Variants in ADAMTS17 observed in about 807,000 individuals in gnomAD.
The protein encoded by ADAMTS17 is ADAM metallopeptidase with thrombospondin type 1 motif 17, also known as A disintegrin and metalloproteinase with thrombospondin motifs 17.
ADAMTS17 carries 113 observed loss-of-function variants against 141.5 expected under a neutral mutation model. The ratio of observed to expected loss-of-function variants is 0.80; its 90% CI spans 0.69 to 0.93. The LOEUF (loss-of-function observed/expected upper bound fraction) is 0.93. Ranked by LOEUF, ADAMTS17 falls within the 40% of genes least tolerant of loss-of-function variation. The pLI, the probability that ADAMTS17 is intolerant of heterozygous loss-of-function variation, is 0.00. For synonymous variants in ADAMTS17, 768 were observed against 630.6 expected (o/e 1.22, Z -3.27); for missense variants, 1,659 against 1,517.9 (o/e 1.09, Z -1.54).
At chr15:99,992,549 C>T (rs1285762831) in intron 20 of ADAMTS17, among the ~76,000 whole-genome samples, 7 of 152,212 alleles carry the variant, frequency 4.6e-5, no homozygotes, top group Admixed American at 4.6e-4. Context: ...CCTTTATTCA[C>T]CCTTGCTCTC....
intron 7 of ADAMTS17, among the ~76,000 whole-genome samples, chr15:100,229,256 C>G (rs1349915021): frequency 6.6e-6 from 1 of 152,140 alleles, no homozygotes; most frequent in Non-Finnish European, 1.5e-5. Context: ...CTATGAATCA[C>G]TCTCCCTCCT....
chr15:100,141,312 G>C (rs2038639207), intron 10 of ADAMTS17, among the ~76,000 whole-genome samples: 1 of 152,096 alleles, frequency 6.6e-6, no homozygotes, highest in Non-Finnish European at 1.5e-5. Context: ...TTCAACTGGT[G>C]GTGTCCCTGT....
intron 15 of ADAMTS17, among the ~76,000 whole-genome samples, chr15:100,061,235 T>C (rs1454246303): frequency 6.6e-6 from 1 of 152,202 alleles, no homozygotes; most frequent in East Asian, 1.9e-4. Flanking sequence ...AGAGTAATTC[T>C]GAGAGGCTCC....
At chr15:99,977,380 ATATATATATATATATATATAATTTTTT>A (rs2060373401) in intron 20 of ADAMTS17, among the ~76,000 whole-genome samples, 4 of 24,870 alleles carry the variant, frequency 1.6e-4, no homozygotes, top group Non-Finnish European at 2.6e-4. Flanking sequence ...ATATATATAT[ATATATATATATATATATATAATTTTTT>A]TTTTTTTTTT....
Position 100,099,008 on chromosome 15 carries a change from C to CCA in ADAMTS17, c.2017-2533_2017-2532insTG, listed in dbSNP as rs1208781858. ...CTTGGTAGGAGTGAGTCTCTGGCTT[C>CCA]AGGCCTGGTTCCTTGTCCTGCACCT... On this transcript the variant is annotated intron_variant, in intron 14 of 21. Transcript: ENST00000268070. Among the ~76,000 whole-genome samples, 325 of 152,348 alleles carry CCA rather than the reference C, an allele frequency of 2.1e-3. 2 individuals carry two copies. Among genetic ancestry groups the CCA allele is most frequent in the African/African-American group, 7.3e-3 (305 of 41,580 alleles).
chr15:100,059,000 T>C (rs565714859), intron 15 of ADAMTS17, among the ~76,000 whole-genome samples: 1 of 152,236 alleles, frequency 6.6e-6, no homozygotes, highest in Admixed American at 6.5e-5. Flanking sequence ...TCCCAAAGTG[T>C]AAATACCCTC....
At chr15:100,329,759 TC>T (rs1462399117) in intron 3 of ADAMTS17, among the ~76,000 whole-genome samples, 1 of 152,138 alleles carries the variant, frequency 6.6e-6, no homozygotes, top group Non-Finnish European at 1.5e-5. Context: ...CCTCTAATAC[TC>T]ACCTTGCCCA....
At chr15:100,328,534 G>C (rs12593750) in intron 3 of ADAMTS17, among the ~76,000 whole-genome samples, 27,136 of 152,164 alleles carry the variant, frequency 0.18, 2,731 homozygotes, top group Admixed American at 0.3. Flanking sequence ...CAGGGAAGGA[G>C]AGATTGTATT....
chr15:100,044,313 G>T (rs1266361838), intron 18 of ADAMTS17, among the ~76,000 whole-genome samples: 1 of 152,102 alleles, frequency 6.6e-6, no homozygotes, highest in Non-Finnish European at 1.5e-5. Flanking sequence ...TAGAATGCTT[G>T]ATACTATCCC....
rs74863206 is a variant in ADAMTS17 at position 100,224,535 on chromosome 15, G to T, written c.1076-25112C>A. ...ACAAAAAAACCTCAAAAGGGATTTG[G>T]TTTGAGAGTGAAAACGCTTGCCATT... is the stretch of plus-strand genomic sequence containing the variant. On this transcript the variant is annotated intron_variant, in intron 7 of 21. Coordinates refer to ENST00000268070, the MANE Select transcript of ADAMTS17 (RefSeq NM_139057.4). Among the ~76,000 whole-genome samples the T allele has an allele frequency of 4.6e-3, 696 of 152,328 alleles. 8 individuals are homozygous for T. The highest frequency in any genetic ancestry group is 0.01 in the Middle Eastern group (3 of 294).
intron 12 of ADAMTS17, among the ~76,000 whole-genome samples, chr15:100,117,778 G>A (rs539664668): frequency 9.2e-5 from 14 of 152,276 alleles, no homozygotes; most frequent in East Asian, 3.9e-4. Flanking sequence ...GGTTCCATTC[G>A]TTTCCATGAT....
intron 7 of ADAMTS17, among the ~76,000 whole-genome samples, chr15:100,216,248 C>A (rs992356290): frequency 1.3e-5 from 2 of 152,192 alleles, no homozygotes; most frequent in South Asian, 4.1e-4. Context: ...TTATCTAACA[C>A]TGCAATTAGT....
chr15:100,077,461 C>CAAAAAAAAAAAA (rs61464362), intron 15 of ADAMTS17, among the ~76,000 whole-genome samples: 3 of 139,390 alleles, frequency 2.2e-5, no homozygotes, highest in African/African-American at 8.2e-5. Context: ...GACTCCCTCT[C>CAAAAAAAAAAAA]AAAAAAAAAA....
rs529631705 is a variant in ADAMTS17 at position 100,165,493 on chromosome 15, C to G, written c.1182-10173G>C. Among the ~76,000 whole-genome samples, 5 of 152,322 alleles carry G rather than the reference C, an allele frequency of 3.3e-5. No individual in the cohort carries two copies. In the East Asian group the frequency reaches 7.7e-4, roughly 24 times the overall value. ...AAATGAGTGGCACCTGCTTGGGAGG[C>G]TCCCATTCTCCTTCCCACAATGTCC... On this transcript the variant is annotated intron_variant, in intron 8 of 21. Coordinates refer to ENST00000268070, the MANE Select transcript of ADAMTS17 (RefSeq NM_139057.4).
chr15:100,064,857 T>C (rs1170949485), intron 15 of ADAMTS17, among the ~76,000 whole-genome samples: 1 of 152,184 alleles, frequency 6.6e-6, no homozygotes, highest in Non-Finnish European at 1.5e-5. Context: ...TTTGGTTTGA[T>C]TTTTATTTGG....
At chr15:100,165,102 T>C (rs1463894393) in intron 8 of ADAMTS17, among the ~76,000 whole-genome samples, 1 of 152,198 alleles carries the variant, frequency 6.6e-6, no homozygotes, top group Non-Finnish European at 1.5e-5. Context: ...CAAGGGACAT[T>C]GGACTATAGG....
At chr15:99,994,888 G>A (rs577364738) in intron 19 of ADAMTS17, among the ~76,000 whole-genome samples, 37 of 152,362 alleles carry the variant, frequency 2.4e-4, no homozygotes, top group Admixed American at 1.4e-3. Context: ...ATTCAATTCA[G>A]CTCTTTGTCT....
At chr15:100,303,227 TTA>T (rs1467217043) in intron 3 of ADAMTS17, among the ~76,000 whole-genome samples, 1 of 147,380 alleles carries the variant, frequency 6.8e-6, no homozygotes, top group Admixed American at 6.8e-5. Context: ...AACATATATA[TTA>T]TATATATATT....
intron 7 of ADAMTS17, among the ~76,000 whole-genome samples, chr15:100,229,632 GA>G (rs1300147601): frequency 1.3e-5 from 2 of 152,150 alleles, no homozygotes; most frequent in Admixed American, 6.5e-5. Flanking sequence ...TGACCTCAAA[GA>G]ATCATATGAT....
Sources: gnomAD v4.1 joint callset for allele counts (sites outside exome capture counted in the v4.1 genomes callset) on GRCh38, gnomAD v4.1.1 for gene constraint, MANE v1.5 for transcripts, NCBI Gene and HGNC (gene_info 2026-07-23, HGNC 2026-07-21) for gene names.